SRP54: variants seen among roughly 807,000 people sequenced by gnomAD.
SRP54 encodes the protein signal recognition particle 54.
In SRP54, 10 loss-of-function variants were observed where a neutral mutation model predicts 64.8. That is an observed-to-expected ratio of 0.15 (90% CI 0.10 to 0.26). The LOEUF is 0.26. SRP54 is among the 10% of genes least tolerant of loss of function. The pLI is 1.00. For synonymous variants in SRP54, 193 were observed against 185.6 expected (o/e 1.04, Z -0.32); for missense variants, 325 against 613.7 (o/e 0.53, Z 4.97).
At position 34,986,951 on chromosome 14, in the gene SRP54, C is replaced by T. The variant is rs1032947349; in HGVS notation, c.-34+3736C>T. On this transcript the variant is annotated intron_variant, in intron 1 of 15. Coordinates refer to ENST00000216774, the MANE Select transcript of SRP54 (RefSeq NM_003136.4). ...TTTAACAGTTTATTAAAATATAATT[C>T]TTGGCTGGGTGCGGTGGCTTAAGCC... is the stretch of plus-strand genomic sequence containing the variant. Among the ~76,000 whole-genome samples, 20 of 151,280 alleles carry T rather than the reference C, an allele frequency of 1.3e-4. 1 individual carries two copies. The highest frequency in any genetic ancestry group is 1.3e-3 in the Admixed American group (19 of 15,174).
intron 3 of SRP54, among the ~76,000 whole-genome samples, chr14:35,000,431 G>T (rs1419668616): frequency 6.6e-6 from 1 of 152,006 alleles, no homozygotes; most frequent in East Asian, 1.9e-4. Flanking sequence ...GCCGGGCATG[G>T]TGGCACACGC....
intron 1 of SRP54, 124 bp from the exon 2 acceptor site, chr14:34,996,553 G>A: frequency 5.1e-6 from 3 of 586,260 alleles, no homozygotes; most frequent in Non-Finnish European, 9.3e-6. Context: ...CACAGGTTGA[G>A]GCTATGGAAG....
In SRP54 at chr14:34,996,676, G is replaced by C; in HGVS notation, c.-33-1G>C. The C allele has an allele frequency of 6.8e-7, 1 of 1,468,344 alleles. No individual in the cohort carries two copies. The highest frequency in any genetic ancestry group is 9.5e-7 in the Non-Finnish European group (1 of 1,047,308). 91.0% of individuals were successfully genotyped at this position (1,468,344 alleles called of 1,614,324 possible). On this transcript the variant is annotated splice_acceptor_variant, in intron 1 of 15. Coordinates refer to ENST00000216774, the MANE Select transcript of SRP54 (RefSeq NM_003136.4). LOFTEE classifies it low-confidence loss of function (5UTR_SPLICE). ...CTCACTTAATTTTTTTTCTGCTGTA[G>C]AGTTCTTCGTAAGTACATCTTAAAG...
chr14:35,011,530 C>T lies in SRP54; in HGVS notation c.507C>T (p.Val169=). The T allele has an allele frequency of 6.4e-7, 1 of 1,552,866 alleles. No homozygotes were observed. The highest frequency in any genetic ancestry group is 1.4e-5 in the African/African-American group (1 of 73,788). The change falls in exon 8 of 16, where the codon GTC becomes GTT. Residue 169 remains valine (V), a synonymous_variant. Coordinates refer to ENST00000216774, the MANE Select transcript of SRP54 (RefSeq NM_003136.4). The stretch of plus-strand genomic sequence containing the variant: ...ATAGCTATACAGAAATGGATCCTGT[C>T]ATCATTGCTTCTGAAGGAGTAGAGA... ...FYGSYTEMDP[V]IIASEGVEKF... is the part of the protein sequence containing the mutation.
chr14:35,001,940 CCTGTA>C (rs538506498), intron 4 of SRP54, among the ~76,000 whole-genome samples: 229 of 151,802 alleles, frequency 1.5e-3, no homozygotes, highest in African/African-American at 5.3e-3. Flanking sequence ...GTGGCTCATG[CCTGTA>C]ATCACAGTGC....
intron 11 of SRP54, among the ~76,000 whole-genome samples, chr14:35,017,663 T>C (rs8012308): frequency 0.35 from 52,535 of 152,098 alleles, 9,675 homozygotes; most frequent in East Asian, 0.69. Flanking sequence ...GTTCCATCCC[T>C]GTTTTTAAAC....
At chr14:35,002,202 A>C (rs2044184517) in intron 4 of SRP54, among the ~76,000 whole-genome samples, 2 of 151,428 alleles carry the variant, frequency 1.3e-5, no homozygotes, top group Admixed American at 6.6e-5. Flanking sequence ...AAAAATACAA[A>C]AATTAGCCGG....
chr14:34,998,973 A>ATATGTGTGTGTG (rs2044119703), intron 2 of SRP54, among the ~76,000 whole-genome samples: 1 of 63,658 alleles, frequency 1.6e-5, no homozygotes, highest in Non-Finnish European at 3.7e-5. Context: ...CTTTGTGTGT[A>ATATGTGTGTGTG]TGTGTGTGTG....
intron 14 of SRP54, among the ~76,000 whole-genome samples, chr14:35,027,184 G>C (rs1342548039): frequency 6.6e-6 from 1 of 151,902 alleles, no homozygotes; most frequent in African/African-American, 2.4e-5. Context: ...GTGCCACCAT[G>C]TCTGACTAAT....
intron 7 of SRP54, among the ~76,000 whole-genome samples, chr14:35,010,199 G>A (rs576994230): frequency 1.3e-5 from 2 of 151,528 alleles, no homozygotes; most frequent in Non-Finnish European, 2.9e-5. Flanking sequence ...TGTAATCCCC[G>A]TACTTTGGGA....
chr14:35,002,246 C>T (rs1255357438), intron 4 of SRP54, among the ~76,000 whole-genome samples: 1 of 151,584 alleles, frequency 6.6e-6, no homozygotes, highest in African/African-American at 2.4e-5. Context: ...TCCAGCTACT[C>T]CGGAGGGTGA....
intron 7 of SRP54, 126 bp from the exon 8 acceptor site, chr14:35,011,383 C>T: frequency 1.7e-6 from 1 of 597,290 alleles, no homozygotes; most frequent in South Asian, 4.9e-5. Context: ...ATAGATTTTC[C>T]TCTTCTAAAT....
intron 2 of SRP54, among the ~76,000 whole-genome samples, chr14:34,997,795 C>A (rs1370157651): frequency 6.6e-6 from 1 of 151,972 alleles, no homozygotes; most frequent in Admixed American, 6.6e-5. Flanking sequence ...TTTCCTAGTT[C>A]CTCATACAGG....
chr14:35,009,841 AAT>A (rs990198215), intron 7 of SRP54, among the ~76,000 whole-genome samples: 21 of 151,986 alleles, frequency 1.4e-4, no homozygotes, highest in African/African-American at 4.4e-4. Context: ...CAGCCTGGGC[AAT>A]ATAGCAAGAC....
intron 13 of SRP54, among the ~76,000 whole-genome samples, chr14:35,021,393 G>A (rs1595012972): frequency 6.6e-6 from 1 of 152,150 alleles, no homozygotes; most frequent in Admixed American, 6.5e-5. Flanking sequence ...ATTTTGGGAG[G>A]CTGAGGTCGG....
intron 4 of SRP54, among the ~76,000 whole-genome samples, chr14:35,005,415 G>A (rs1341334646): frequency 1.3e-5 from 2 of 152,176 alleles, no homozygotes; most frequent in Non-Finnish European, 2.9e-5. Context: ...AACTAGAAAT[G>A]TAATAACTTT....
chr14:35,005,372 A>T (rs2044240198), intron 4 of SRP54, among the ~76,000 whole-genome samples: 1 of 150,024 alleles, frequency 6.7e-6, no homozygotes, highest in Admixed American at 6.6e-5. Context: ...AATGGGCATG[A>T]CTGTATTAGA....
chr14:35,025,656 A>G (rs1412467504), intron 14 of SRP54, among the ~76,000 whole-genome samples: 1 of 152,234 alleles, frequency 6.6e-6, no homozygotes, highest in East Asian at 1.9e-4. Context: ...TTAAATGCTG[A>G]TAAACAAACT....
chr14:34,990,454 T>A (rs538547981), intron 1 of SRP54, among the ~76,000 whole-genome samples: 77 of 152,288 alleles, frequency 5.1e-4, no homozygotes, highest in African/African-American at 1.8e-3. Flanking sequence ...CTATCCTGCT[T>A]ATATCATAAA....
Sources: allele counts gnomAD v4.1 joint callset (sites outside exome capture counted in the v4.1 genomes callset), GRCh38; gene constraint gnomAD v4.1.1; transcripts MANE v1.5; gene names NCBI Gene and HGNC (gene_info 2026-07-23, HGNC 2026-07-21).